Variants in CAMK2B observed in about 807,000 individuals in gnomAD.
CAMK2B encodes calcium/calmodulin-dependent protein kinase type II subunit beta.
A neutral mutation model predicts 93.7 loss-of-function variants in CAMK2B; 27 were observed. The ratio of observed to expected loss-of-function variants is 0.29; its 90% CI spans 0.21 to 0.40. The LOEUF (loss-of-function observed/expected upper bound fraction) is 0.40, where lower values mean the gene tolerates loss of function less well. CAMK2B is among the 10% of genes least tolerant of loss of function. The pLI, the probability that CAMK2B is intolerant of heterozygous loss-of-function variation, is 1.00. For synonymous variants in CAMK2B, 374 were observed against 358.8 expected (o/e 1.04, Z -0.48); for missense variants, 568 against 895.8 (o/e 0.63, Z 4.67).
intron 5 of CAMK2B, among the ~76,000 whole-genome samples, chr7:44,253,985 A>G (rs1368449773): frequency 1.3e-5 from 2 of 151,130 alleles, no homozygotes; most frequent in African/African-American, 4.9e-5. Flanking sequence ...TAATGCTGTC[A>G]GCTGTCCCTG....
In CAMK2B at chr7:44,271,977, G is replaced by A. The variant is rs760562657; in HGVS notation, c.161-8913C>T. Among the ~76,000 whole-genome samples the A allele has an allele frequency of 1.5e-4, 23 of 152,318 alleles. No individual in the cohort carries two copies. The highest frequency in any genetic ancestry group is 2.4e-4 in the Non-Finnish European group (16 of 68,030). Reference sequence around the variant, plus strand: ...ACCCATGAAACAGGGCTGTTGCTGCGTCACCCCAGCTTTCAGATGGGGGCA... The same window carrying A: ...ACCCATGAAACAGGGCTGTTGCTGCATCACCCCAGCTTTCAGATGGGGGCA... On this transcript the variant is annotated intron_variant, in intron 2 of 23. Transcript: ENST00000395749. This position sits in a 1 kb window ranked among gnomAD's most constrained non-coding sequence, Gnocchi z 4.2.
chr7:44,237,020 A>AG (rs2096632162), intron 13 of CAMK2B, among the ~76,000 whole-genome samples: 1 of 152,260 alleles, frequency 6.6e-6, no homozygotes, highest in South Asian at 2.1e-4. Flanking sequence ...CGGTTTCAGA[A>AG]GGCTAGTTCC....
At chr7:44,261,868 G>A (rs796732994) in intron 3 of CAMK2B, among the ~76,000 whole-genome samples, 4 of 152,220 alleles carry the variant, frequency 2.6e-5, no homozygotes, top group African/African-American at 9.6e-5. Context: ...GAGGAACCAG[G>A]GTGAAGAGTC....
intron 12 of CAMK2B, among the ~76,000 whole-genome samples, chr7:44,240,013 G>A (rs555461118): frequency 1.3e-5 from 2 of 152,260 alleles, no homozygotes; most frequent in African/African-American, 2.4e-5. Context: ...ACAGGATGGC[G>A]GGTGGGGGGC....
chr7:44,323,560 C>T (rs759848872), intron 1 of CAMK2B, among the ~76,000 whole-genome samples: 19 of 152,270 alleles, frequency 1.2e-4, no homozygotes, highest in Non-Finnish European at 2.5e-4. Context: ...CGGACACTGC[C>T]GCTGGACGCA....
intron 3 of CAMK2B, among the ~76,000 whole-genome samples, chr7:44,262,190 C>G (rs1396346915): frequency 1.3e-5 from 2 of 152,224 alleles, no homozygotes; most frequent in Non-Finnish European, 2.9e-5. Context: ...GCTCCCGGTC[C>G]CCAGCTGTTC....
intron 1 of CAMK2B, among the ~76,000 whole-genome samples, chr7:44,303,079 T>C (rs1419937793): frequency 6.6e-6 from 1 of 152,144 alleles, no homozygotes; most frequent in African/African-American, 2.4e-5. Context: ...GGTTAATATA[T>C]AAAAGTCAAT....
intron 1 of CAMK2B, 96 bp downstream of exon 1, chr7:44,325,261 G>T: frequency 1.6e-6 from 1 of 639,836 alleles, no homozygotes; most frequent in Non-Finnish European, 2.0e-6. Flanking sequence ...GCGGCGCGCG[G>T]GCCCGCAGTG....
At chr7:44,282,398 A>C (rs2097109218) in intron 2 of CAMK2B, among the ~76,000 whole-genome samples, 1 of 152,200 alleles carries the variant, frequency 6.6e-6, no homozygotes, top group Non-Finnish European at 1.5e-5. Context: ...GGCCCCCGCA[A>C]TGTGTGGAGA....
At chr7:44,250,853 T>A (rs575816961) in intron 5 of CAMK2B, among the ~76,000 whole-genome samples, 266 of 152,324 alleles carry the variant, frequency 1.7e-3, no homozygotes, top group Non-Finnish European at 2.1e-3. Context: ...AAGGTTTTTT[T>A]AAAAATGGGT....
At chr7:44,259,686 G>C (rs1057011206) in intron 3 of CAMK2B, 4 of 152,498 alleles carry the variant, frequency 2.6e-5, no homozygotes, top group African/African-American at 9.7e-5. Context: ...AGGGAACAGT[G>C]AGTGATTTCA....
chr7:44,289,745 C>T (rs917778289), intron 1 of CAMK2B, among the ~76,000 whole-genome samples: 1 of 152,218 alleles, frequency 6.6e-6, no homozygotes, highest in African/African-American at 2.4e-5. Context: ...AGGCAGGGAC[C>T]CAGGCGCCTG....
At chr7:44,233,217 C>T (rs994820506) in intron 15 of CAMK2B, among the ~76,000 whole-genome samples, 4 of 152,122 alleles carry the variant, frequency 2.6e-5, no homozygotes, top group African/African-American at 9.7e-5. Flanking sequence ...CTACCCTTTA[C>T]TGCCTGAACC....
intron 1 of CAMK2B, among the ~76,000 whole-genome samples, chr7:44,322,496 C>A (rs915184716): frequency 1.3e-5 from 2 of 152,170 alleles, no homozygotes; most frequent in African/African-American, 4.8e-5. Context: ...TGGGATTTTT[C>A]TGGATTTTTA....
intron 13 of CAMK2B, among the ~76,000 whole-genome samples, chr7:44,238,859 CG>C (rs1180848648): frequency 1.3e-5 from 2 of 152,292 alleles, no homozygotes; most frequent in Admixed American, 1.3e-4. Context: ...GTCTTGGGGT[CG>C]CCTAGCCCTC....
At chr7:44,257,609 G>C (rs979349984) in intron 4 of CAMK2B, among the ~76,000 whole-genome samples, 30 of 152,384 alleles carry the variant, frequency 2.0e-4, no homozygotes, top group Non-Finnish European at 3.4e-4. Context: ...CAGCTCCCCA[G>C]GGCCACAGGA....
At chr7:44,308,378 T>C (rs767686895) in intron 1 of CAMK2B, among the ~76,000 whole-genome samples, 1 of 152,100 alleles carries the variant, frequency 6.6e-6, no homozygotes, top group African/African-American at 2.4e-5. Flanking sequence ...AGACAGGGCC[T>C]GCCCCATGCC....
At chr7:44,256,235 C>T (rs940352977) in intron 4 of CAMK2B, among the ~76,000 whole-genome samples, 7 of 152,338 alleles carry the variant, frequency 4.6e-5, no homozygotes, top group East Asian at 3.9e-4. Flanking sequence ...GTCATCTGGC[C>T]GGGCTCCTGA....
At chr7:44,320,000 G>C (rs927583075) in intron 1 of CAMK2B, among the ~76,000 whole-genome samples, 1 of 152,152 alleles carries the variant, frequency 6.6e-6, no homozygotes, top group Non-Finnish European at 1.5e-5. Context: ...TAAGAGGCCA[G>C]GTACCTCTGG....
Sources: allele counts gnomAD v4.1 joint callset (sites outside exome capture counted in the v4.1 genomes callset), GRCh38; gene constraint gnomAD v4.1.1; non-coding constraint Gnocchi (gnomAD v3.1); transcripts MANE v1.5; gene names NCBI Gene and HGNC (gene_info 2026-07-23, HGNC 2026-07-21).